The following KLHDC4 variants were observed in gnomAD, a reference collection of about 807,000 sequenced individuals.
KLHDC4 encodes kelch domain containing 4, also known as kelch domain-containing protein 4.
KLHDC4 carries 90 observed loss-of-function variants against 62.4 expected under a neutral mutation model. That is an observed-to-expected ratio of 1.44 (90% confidence interval 1.22 to 1.72). The LOEUF (loss-of-function observed/expected upper bound fraction) is 1.72. Ranked by LOEUF, KLHDC4 falls within the 40% of genes most tolerant of loss-of-function variation. The pLI is 0.00. For synonymous variants in KLHDC4, 386 were observed against 284.4 expected (o/e 1.36, Z -3.59); for missense variants, 1,025 against 699.7 (o/e 1.47, Z -5.25).
At chr16:87,732,508 A>G (rs1485854146) in intron 5 of KLHDC4, among the ~76,000 whole-genome samples, 1 of 152,194 alleles carries the variant, frequency 6.6e-6, no homozygotes, top group Non-Finnish European at 1.5e-5. Flanking sequence ...ACATGGCAAT[A>G]AAAAAATACA....
At chr16:87,731,387 A>G (rs552555275) in intron 5 of KLHDC4, among the ~76,000 whole-genome samples, 27 of 152,158 alleles carry the variant, frequency 1.8e-4, no homozygotes, top group Non-Finnish European at 3.1e-4. Context: ...TTCTATCTTA[A>G]TAGTAAGATA....
chr16:87,749,901 A>G (rs537693658), intron 4 of KLHDC4, among the ~76,000 whole-genome samples: 46 of 152,220 alleles, frequency 3.0e-4, no homozygotes, highest in Non-Finnish European at 6.5e-4. Context: ...TGAATGATTA[A>G]TAAAGACTCA....
intron 1 of KLHDC4, chr16:87,765,143 C>T (rs1348570948): frequency 4.4e-6 from 2 of 456,064 alleles, no homozygotes; most frequent in Non-Finnish European, 4.4e-6. Flanking sequence ...TTAGGGAATC[C>T]ATGAGCAGCA....
chr16:87,735,236 C>T (rs1216044629), intron 5 of KLHDC4, among the ~76,000 whole-genome samples: 1 of 150,356 alleles, frequency 6.7e-6, no homozygotes, highest in Non-Finnish European at 1.5e-5. Flanking sequence ...GGAGGCGGAG[C>T]TTGCAGTGAG....
chr16:87,704,951 C>T (rs974397451), downstream of KLHDC4, among the ~76,000 whole-genome samples: 3 of 152,064 alleles, frequency 2.0e-5, no homozygotes, highest in African/African-American at 4.8e-5. Flanking sequence ...GAGAACAAGA[C>T]GATTCATCCT....
At chr16:87,726,135 G>A (rs925338765) in intron 7 of KLHDC4, among the ~76,000 whole-genome samples, 1 of 152,024 alleles carries the variant, frequency 6.6e-6, no homozygotes, top group Non-Finnish European at 1.5e-5. Context: ...CAATGTTCAT[G>A]AAACTGAAGA....
At chr16:87,740,384 G>C (rs533198959) in intron 5 of KLHDC4, among the ~76,000 whole-genome samples, 32 of 152,330 alleles carry the variant, frequency 2.1e-4, no homozygotes, top group African/African-American at 7.2e-4. Flanking sequence ...AGTTGTGGGG[G>C]TGGGGAGAGG....
chr16:87,755,117 C>G (rs1392147916), intron 4 of KLHDC4, 77 bp downstream of exon 4: 1 of 981,248 alleles, frequency 1.0e-6, no homozygotes, highest in Non-Finnish European at 1.6e-6. Context: ...CTGCCTGTCA[C>G]CTATCAACTC....
At position 87,757,615 on chromosome 16, in the gene KLHDC4, C is replaced by A. The variant is rs559573133; in HGVS notation, c.192-1138G>T. 4.0e-5 allele frequency among the ~76,000 whole-genome samples: 6 copies of A among 151,774 alleles called. No homozygotes were observed. In the South Asian group the frequency reaches 1.3e-3, roughly 32 times the overall value. ...TTACATAATAATATTATGGGCCAGG[C>A]CCGGTGGCTCACACTTGTAATCCCA... On this transcript the variant is annotated intron_variant, in intron 2 of 11. Coordinates refer to ENST00000270583, the MANE Select transcript of KLHDC4 (RefSeq NM_017566.4).
At chr16:87,734,148 C>T (rs1368826606) in intron 5 of KLHDC4, among the ~76,000 whole-genome samples, 1 of 152,174 alleles carries the variant, frequency 6.6e-6, no homozygotes, top group East Asian at 1.9e-4. Context: ...AGCTCAAGAC[C>T]AGCCTCACCA....
chr16:87,713,032 ATTTATTT>A (rs1303977844), intron 8 of KLHDC4, among the ~76,000 whole-genome samples: 1 of 152,116 alleles, frequency 6.6e-6, no homozygotes, highest in Non-Finnish European at 1.5e-5. Context: ...GTCTCCTTCT[ATTTATTT>A]TTTATTTTTT....
At chr16:87,744,638 T>G (rs766985914) in intron 5 of KLHDC4, among the ~76,000 whole-genome samples, 9 of 147,056 alleles carry the variant, frequency 6.1e-5, no homozygotes, top group Non-Finnish European at 1.4e-4. Context: ...AAAAACAAAA[T>G]ACATGAAAAA....
chr16:87,708,200 G>T, intron 11 of KLHDC4, 125 bp from the exon 12 acceptor site: 1 of 620,186 alleles, frequency 1.6e-6, no homozygotes, highest in Non-Finnish European at 2.9e-6. Context: ...ACAGGCACAC[G>T]GCACTCATTA....
intron 7 of KLHDC4, among the ~76,000 whole-genome samples, chr16:87,720,357 C>A (rs1164077456): frequency 6.6e-6 from 1 of 152,156 alleles, no homozygotes; most frequent in Non-Finnish European, 1.5e-5. Context: ...AACACAGAAA[C>A]CATGGGGGCC....
chr16:87,702,971 T>A (rs1342826710), downstream of KLHDC4: 1 of 152,276 alleles, frequency 6.6e-6, no homozygotes, highest in Non-Finnish European at 1.5e-5. Flanking sequence ...AATGTAACAG[T>A]TTAAATCATA....
rs2043426765 is a variant in KLHDC4, at chr16:87,748,730, T to C, written c.449A>G (p.Tyr150Cys). 1 of 1,613,398 alleles carries C rather than the reference T, an allele frequency of 6.2e-7. No homozygotes were observed. Among genetic ancestry groups the C allele is most frequent in the Non-Finnish European group, 8.5e-7 (1 of 1,179,880 alleles). ...EFASPNGEQF[Y>C]HYKDLWVLHL... ...CAGGACCCAGAGATCCTTGTAGTGGTAGAACTGCTCTCCGTTGGGAGAGGC... is the reference window on the plus strand; with the variant it reads ...CAGGACCCAGAGATCCTTGTAGTGGCAGAACTGCTCTCCGTTGGGAGAGGC... Residue 150 changes from tyrosine (Y) to cysteine (C), a missense_variant, in exon 5 of 12, where the codon TAC (tyrosine) becomes TGC (cysteine). Transcript: ENST00000270583.
chr16:87,738,034 T>G (rs2041636194), intron 5 of KLHDC4, among the ~76,000 whole-genome samples: 1 of 152,168 alleles, frequency 6.6e-6, no homozygotes, highest in Non-Finnish European at 1.5e-5. Flanking sequence ...CTACTGCTGT[T>G]TGCTGTCGAT....
intron 8 of KLHDC4, among the ~76,000 whole-genome samples, chr16:87,711,804 G>A (rs747560290): frequency 6.7e-5 from 10 of 149,370 alleles, no homozygotes; most frequent in South Asian, 2.1e-4. Flanking sequence ...CCCTCCGCCC[G>A]GCACGGGGAC....
At chr16:87,765,601 G>C (rs537340362) in intron 1 of KLHDC4, among the ~76,000 whole-genome samples, 191 bp downstream of exon 1, 27 of 152,216 alleles carry the variant, frequency 1.8e-4, no homozygotes, top group African/African-American at 6.3e-4. Flanking sequence ...GACACACGTG[G>C]AGACTCAGGA....
Sources: allele counts gnomAD v4.1 joint callset (sites outside exome capture counted in the v4.1 genomes callset), GRCh38; gene constraint gnomAD v4.1.1; transcripts MANE v1.5; gene names NCBI Gene and HGNC (gene_info 2026-07-23, HGNC 2026-07-21).